The following TEAD1 variants were observed in gnomAD, a reference collection of about 807,000 sequenced individuals.
TEAD1 encodes the protein TEA domain transcription factor 1.
A neutral mutation model predicts 54.9 loss-of-function variants in TEAD1; 9 were observed. The ratio of observed to expected loss-of-function variants is 0.16; its 90% CI spans 0.10 to 0.29. The LOEUF is 0.29. TEAD1 is among the 10% of genes least tolerant of loss of function. The pLI, the probability that TEAD1 is intolerant of heterozygous loss-of-function variation, is 1.00. For synonymous variants in TEAD1, 200 were observed against 187.8 expected (o/e 1.07, Z -0.53); for missense variants, 387 against 535.9 (o/e 0.72, Z 2.74).
intron 4 of TEAD1, among the ~76,000 whole-genome samples, chr11:12,862,685 A>G (rs1947531129): frequency 6.6e-6 from 1 of 152,178 alleles, no homozygotes; most frequent in African/African-American, 2.4e-5. Context: ...GGTTTTGTGC[A>G]TTGTAAAATC....
chr11:12,773,736 G>A (rs1945360002), intron 3 of TEAD1, among the ~76,000 whole-genome samples: 1 of 152,092 alleles, frequency 6.6e-6, no homozygotes, highest in African/African-American at 2.4e-5. Flanking sequence ...TTTCTCATGG[G>A]CAAAGCAAAA....
In TEAD1 at chr11:12,674,767, G is replaced by C. The variant is rs1251210999; in HGVS notation, c.-275G>C. 4.6e-5 allele frequency: 7 copies of C among 151,234 alleles called. No homozygotes were observed. The highest frequency in any genetic ancestry group is 1.3e-4 in the Admixed American group (2 of 15,190). The allele number at this position is 151,234 out of a possible 1,614,324, so 9.4% of individuals were successfully genotyped here. On this transcript the variant is annotated 5_prime_UTR_variant, in exon 1 of 13. Transcript: ENST00000527636. ...GGGAGGGAGCCGGGCACCGAGCAGA[G>C]GGCGGGGGAAGCGGCGCCGAAGTTT...
intron 10 of TEAD1, among the ~76,000 whole-genome samples, chr11:12,917,220 T>G (rs1948731306): frequency 6.6e-6 from 1 of 152,118 alleles, no homozygotes; most frequent in Non-Finnish European, 1.5e-5. Flanking sequence ...GTGAGAAGGA[T>G]TCGGCTGGTG....
intron 6 of TEAD1, 73 bp from the exon 7 acceptor site, chr11:12,880,932 T>C (rs1947953712): frequency 6.5e-7 from 1 of 1,537,540 alleles, no homozygotes; most frequent in South Asian, 1.1e-5. Context: ...GCAGGGGTTG[T>C]GATGCGTAGG....
At chr11:12,725,778 T>A (rs574218395) in intron 2 of TEAD1, among the ~76,000 whole-genome samples, 16 of 152,322 alleles carry the variant, frequency 1.1e-4, no homozygotes, top group African/African-American at 1.7e-4. Flanking sequence ...CCTTCCTGTG[T>A]CAGATGCCTG....
chr11:12,782,233 T>TA (rs1445213193), intron 3 of TEAD1, among the ~76,000 whole-genome samples: 1 of 152,162 alleles, frequency 6.6e-6, no homozygotes, highest in Non-Finnish European at 1.5e-5. Flanking sequence ...ACTGCGTAAA[T>TA]AAAATGTGGT....
At chr11:12,887,160 G>C (rs1245902804) in intron 9 of TEAD1, among the ~76,000 whole-genome samples, 1 of 147,630 alleles carries the variant, frequency 6.8e-6, no homozygotes, top group Non-Finnish European at 1.5e-5. Flanking sequence ...GCGGTGGCGC[G>C]ATCTTGGCTC....
Position 12,943,000 on chromosome 11 carries a change from AAAG to A in TEAD1, c.*5780_*5782del, listed in dbSNP as rs765215950. On this transcript the variant is annotated 3_prime_UTR_variant, in exon 13 of 13. Transcript: ENST00000527636. ...ACCAGCCAAAAAGAAACTAGGAAAA[AAAG>A]ATTTTCTTTGCTAATATAGATGTAA... 3.3e-5 allele frequency: 5 copies of A among 152,214 alleles called. No homozygotes were observed. Among genetic ancestry groups the A allele is most frequent in the Non-Finnish European group, 7.3e-5 (5 of 68,034 alleles). 9.4% of individuals were successfully genotyped at this position (152,214 alleles called of 1,614,324 possible). A position where few individuals can be genotyped will look rare whatever the true frequency, so the allele number is the denominator to read the frequency against.
At chr11:12,728,900 AACCATTGG>A (rs1944366041) in intron 2 of TEAD1, among the ~76,000 whole-genome samples, 4 of 152,214 alleles carry the variant, frequency 2.6e-5, no homozygotes. Context: ...GTTGTGCCCA[AACCATTGG>A]ACCATGGCTA....
rs1387292553 is a variant in TEAD1, at chr11:12,745,587, G to T, written c.-54-18592G>T. On this transcript the variant is annotated intron_variant, in intron 2 of 12. Transcript: ENST00000527636. ...GCCTCTAAAATTGTCATTTTAAGGG[G>T]TTTTTTTTTTTTTTTTTGGACTGTT... is the stretch of plus-strand genomic sequence containing the variant. 1.0e-3 allele frequency among the ~76,000 whole-genome samples: 135 copies of T among 130,518 alleles called. 1 individual carries two copies. Among genetic ancestry groups the T allele is most frequent in the South Asian group, 2.8e-3 (11 of 3,962 alleles). 85.6% of individuals were successfully genotyped at this position (130,518 alleles called of 152,430 possible).
chr11:12,914,581 C>T (rs1458998866), intron 10 of TEAD1, among the ~76,000 whole-genome samples: 3 of 152,212 alleles, frequency 2.0e-5, no homozygotes, highest in Non-Finnish European at 4.4e-5. Flanking sequence ...CCACCCACCC[C>T]AAGCCTCTGA....
At chr11:12,930,432 C>A (rs1948992415) in intron 12 of TEAD1, 106 bp downstream of exon 12, 1 of 1,408,118 alleles carries the variant, frequency 7.1e-7, no homozygotes, top group Non-Finnish European at 1.0e-6. Flanking sequence ...AGGGAACTGA[C>A]CAGGTTGTTG....
At chr11:12,771,735 C>A (rs1318105197) in intron 3 of TEAD1, among the ~76,000 whole-genome samples, 1 of 152,178 alleles carries the variant, frequency 6.6e-6, no homozygotes, top group Non-Finnish European at 1.5e-5. Flanking sequence ...GGAGCCTCAT[C>A]ATCAGAGAAG....
chr11:12,789,359 ATTTT>A (rs1377402688), intron 3 of TEAD1, among the ~76,000 whole-genome samples: 2 of 152,146 alleles, frequency 1.3e-5, no homozygotes, highest in African/African-American at 4.8e-5. Context: ...TTTATTATTT[ATTTT>A]TATTATTTTT....
rs1248866574 is a variant in TEAD1 at position 12,674,489 on chromosome 11, GCCGCCGCGGCC to G, written c.-545_-535del. 4.0e-5 allele frequency: 6 copies of G among 151,036 alleles called. No individual in the cohort carries two copies. The South Asian group carries it at 7.6e-4, about 19-fold the overall frequency. 9.4% of individuals were successfully genotyped at this position (151,036 alleles called of 1,614,324 possible). On this transcript the variant is annotated 5_prime_UTR_variant, in exon 1 of 13. Coordinates refer to ENST00000527636, the MANE Select transcript of TEAD1 (RefSeq NM_021961.6). ...TGAGCCGAGCCGAGCCTCTGCTGCC[GCCGCCGCGGCC>G]CCGCCGCCCGCCGCGGGCGCCCACC...
At chr11:12,890,734 G>T (rs986239525) in intron 9 of TEAD1, among the ~76,000 whole-genome samples, 1 of 152,164 alleles carries the variant, frequency 6.6e-6, no homozygotes, top group African/African-American at 2.4e-5. Context: ...AAGTGCTTTG[G>T]ACTCTACTGA....
intron 3 of TEAD1, among the ~76,000 whole-genome samples, chr11:12,847,156 T>C (rs931386261): frequency 2.6e-5 from 4 of 152,288 alleles, no homozygotes; most frequent in Non-Finnish European, 5.9e-5. Flanking sequence ...CCATGAGCCA[T>C]GATGTCATAT....
chr11:12,894,183 G>T (rs1351032239), intron 9 of TEAD1, among the ~76,000 whole-genome samples: 2 of 152,188 alleles, frequency 1.3e-5, no homozygotes, highest in African/African-American at 4.8e-5. Flanking sequence ...TTTGACAGCA[G>T]TCATTTTTCA....
At chr11:12,684,013 A>G (rs1209495447) in intron 2 of TEAD1, among the ~76,000 whole-genome samples, 1 of 152,204 alleles carries the variant, frequency 6.6e-6, no homozygotes, top group African/African-American at 2.4e-5. Context: ...TAGCAACTTC[A>G]AATGTCATGT....
Sources: gnomAD v4.1 joint callset for allele counts (sites outside exome capture counted in the v4.1 genomes callset) on GRCh38, gnomAD v4.1.1 for gene constraint, MANE v1.5 for transcripts, NCBI Gene and HGNC (gene_info 2026-07-23, HGNC 2026-07-21) for gene names.